The following BSPH1 variants were observed in gnomAD, a reference collection of about 807,000 sequenced individuals.
The protein encoded by BSPH1 is binder of sperm protein homolog 1, also known as binder of sperm 1.
Under a neutral mutation model 22.5 loss-of-function variants are expected in BSPH1, and 21 were observed. That is an observed-to-expected ratio of 0.93 (90% CI 0.66 to 1.35). The LOEUF is 1.35. BSPH1 is among the 40% of genes most tolerant of loss of function. The pLI is 0.00. For missense variants in BSPH1, 141 were observed against 154.2 expected (o/e 0.91, Z 0.45); for synonymous variants, 42 against 53.6 (o/e 0.78, Z 0.95).
chr19:47,971,395 G>A (rs562070728), intron 5 of BSPH1, among the ~76,000 whole-genome samples: 8 of 152,130 alleles, frequency 5.3e-5, no homozygotes, highest in Non-Finnish European at 1.2e-4. Flanking sequence ...TAGTAGAGAT[G>A]GGGTTTCACC....
At chr19:47,973,589 C>T (rs1288282964) in intron 5 of BSPH1, among the ~76,000 whole-genome samples, 3 of 152,178 alleles carry the variant, frequency 2.0e-5, no homozygotes, top group Non-Finnish European at 4.4e-5. Flanking sequence ...TCTGGTTCAA[C>T]ATTTGAGAGT....
chr19:47,987,323 C>A (rs58188362), intron 1 of BSPH1, among the ~76,000 whole-genome samples: 6,398 of 151,864 alleles, frequency 0.042, 295 homozygotes, highest in East Asian at 0.14. Flanking sequence ...AATGTCCCTA[C>A]AATTTCTATT....
chr19:47,978,161 C>G (rs1257464876), intron 3 of BSPH1, among the ~76,000 whole-genome samples: 1 of 151,836 alleles, frequency 6.6e-6, no homozygotes, highest in Non-Finnish European at 1.5e-5. Flanking sequence ...TTGTGTAGCC[C>G]TAACTTCTTC....
intron 1 of BSPH1, chr19:47,981,876 T>C (rs7247699): frequency 0.2 from 55,179 of 276,726 alleles, 5,808 homozygotes; most frequent in Non-Finnish European, 0.23. Context: ...TTTTTTGTTT[T>C]GTTACTTTGC....
chr19:47,975,139 T>G (rs1755791751), intron 5 of BSPH1, among the ~76,000 whole-genome samples: 1 of 152,200 alleles, frequency 6.6e-6, no homozygotes, highest in African/African-American at 2.4e-5. Context: ...CATCTCTTCC[T>G]TTTTTCTCTG....
intron 5 of BSPH1, among the ~76,000 whole-genome samples, chr19:47,969,731 A>G (rs118103378): frequency 0.031 from 2,842 of 91,376 alleles, 37 homozygotes; most frequent in Middle Eastern, 0.049. Flanking sequence ...GAGAGACTTT[A>G]GAATGTATGT....
At chr19:47,977,327 G>T in intron 4 of BSPH1, 46 bp downstream of exon 4, 1 of 1,469,144 alleles carries the variant, frequency 6.8e-7, no homozygotes, top group South Asian at 1.3e-5. Flanking sequence ...CCCAGCCTCA[G>T]AGACCAAGAT....
intron 5 of BSPH1, among the ~76,000 whole-genome samples, chr19:47,968,514 T>A (rs1012770450): frequency 6.6e-6 from 1 of 151,488 alleles, no homozygotes; most frequent in African/African-American, 2.4e-5. Context: ...CGTTCCACCA[T>A]GCCCAGCTAA....
At chr19:47,974,709 C>T (rs2122242186) in intron 5 of BSPH1, among the ~76,000 whole-genome samples, 1 of 152,200 alleles carries the variant, frequency 6.6e-6, no homozygotes, top group Admixed American at 6.5e-5. Context: ...CTCTTCCCCT[C>T]ACTGTTTAGG....
At chr19:47,976,930 C>A in intron 4 of BSPH1, 76 bp from the exon 5 acceptor site, 2 of 1,345,342 alleles carry the variant, frequency 1.5e-6, no homozygotes, top group South Asian at 2.6e-5. Flanking sequence ...ACCATGCACA[C>A]ACATGCACAC....
chr19:47,972,970 C>T (rs2053143641), intron 5 of BSPH1, among the ~76,000 whole-genome samples: 1 of 151,634 alleles, frequency 6.6e-6, no homozygotes, highest in Non-Finnish European at 1.5e-5. Flanking sequence ...GTAATCCCAG[C>T]ACTTTGGGAG....
At chr19:47,978,193 C>T (rs532943504) in intron 3 of BSPH1, among the ~76,000 whole-genome samples, 1 of 151,908 alleles carries the variant, frequency 6.6e-6, no homozygotes, top group Admixed American at 6.6e-5. Context: ...CAGCCTTATC[C>T]TCCTGGGCTC....
chr19:47,970,206 G>A (rs1399480546), intron 5 of BSPH1, among the ~76,000 whole-genome samples: 3 of 151,972 alleles, frequency 2.0e-5, no homozygotes, highest in Admixed American at 6.6e-5. Context: ...TCACAAGTGC[G>A]CACTAACACA....
chr19:47,969,693 G>GAGAGAGAGAGAGAGAGAA (rs1301940911), intron 5 of BSPH1, among the ~76,000 whole-genome samples: 28 of 53,512 alleles, frequency 5.2e-4, no homozygotes, highest in Non-Finnish European at 1.4e-3. Context: ...GGGAGAGAGA[G>GAGAGAGAGAGAGAGAGAA]AGAGAGAGAG....
In BSPH1 at chr19:47,977,523, T is replaced by A; in HGVS notation, c.125-19A>T. 1.9e-6 allele frequency: 3 copies of A among 1,550,902 alleles called. No individual in the cohort carries two copies. Among genetic ancestry groups the A allele is most frequent in the Non-Finnish European group, 2.6e-6 (3 of 1,146,588 alleles). ...TCCCCATCTAGAGAAAACAAAATTC[T>A]TCCTCTGTTTCTGGGTGTGTTAGGA... On this transcript the variant is annotated intron_variant, in intron 3 of 5. Transcript: ENST00000344839.
intron 1 of BSPH1, among the ~76,000 whole-genome samples, chr19:47,989,107 CGTTTT>C (rs1568399745): frequency 5.0e-4 from 64 of 128,398 alleles, no homozygotes; most frequent in African/African-American, 1.9e-3. Flanking sequence ...ATCAAGTCAC[CGTTTT>C]ATTATTATTA....
intron 5 of BSPH1, among the ~76,000 whole-genome samples, chr19:47,974,396 A>G (rs1031887983): frequency 5.3e-5 from 8 of 151,138 alleles, no homozygotes; most frequent in Non-Finnish European, 8.8e-5. Flanking sequence ...CAGCCTCCCA[A>G]GTAGCTGGGA....
intron 5 of BSPH1, among the ~76,000 whole-genome samples, chr19:47,970,322 G>A (rs975441305): frequency 2.0e-5 from 3 of 152,200 alleles, no homozygotes; most frequent in African/African-American, 7.2e-5. Context: ...GCCTCCCGAA[G>A]TGCTGGGATC....
At chr19:47,975,331 T>C (rs1969351466) in intron 5 of BSPH1, among the ~76,000 whole-genome samples, 1 of 151,172 alleles carries the variant, frequency 6.6e-6, no homozygotes, top group Non-Finnish European at 1.5e-5. Flanking sequence ...GCTCCTGGCC[T>C]CTATAATCAA....
Sources: allele counts gnomAD v4.1 joint callset (sites outside exome capture counted in the v4.1 genomes callset), GRCh38; gene constraint gnomAD v4.1.1; transcripts MANE v1.5; gene names NCBI Gene and HGNC (gene_info 2026-07-23, HGNC 2026-07-21).